The following CPPED1 variants were observed in gnomAD, a reference collection of about 807,000 sequenced individuals.
CPPED1 encodes the protein calcineurin like phosphoesterase domain containing 1.
Under a neutral mutation model 28.0 loss-of-function variants are expected in CPPED1, and 28 were observed. The ratio of observed to expected loss-of-function variants is 1.00; its 90% CI spans 0.74 to 1.37. The LOEUF is 1.37. CPPED1 is among the 40% of genes most tolerant of loss of function. The pLI is 0.00. For missense variants in CPPED1, 504 were observed against 416.5 expected (o/e 1.21, Z -1.83); for synonymous variants, 198 against 180.2 (o/e 1.10, Z -0.79).
At chr16:12,671,174 C>T (rs974344157) in intron 3 of CPPED1, among the ~76,000 whole-genome samples, 22 of 152,092 alleles carry the variant, frequency 1.4e-4, no homozygotes, top group African/African-American at 5.3e-4. Flanking sequence ...TATACTTATC[C>T]CCTGTACCAT....
chr16:12,735,186 CA>C (rs772203321), intron 2 of CPPED1, among the ~76,000 whole-genome samples: 2 of 152,168 alleles, frequency 1.3e-5, no homozygotes, highest in Non-Finnish European at 2.9e-5. Flanking sequence ...CAACATACTC[CA>C]TGGACCAATG....
chr16:12,742,557 T>C (rs2080261963), intron 2 of CPPED1, among the ~76,000 whole-genome samples: 1 of 152,222 alleles, frequency 6.6e-6, no homozygotes, highest in Non-Finnish European at 1.5e-5. Context: ...ACCGTGGAGC[T>C]TTCACTGTTC....
chr16:12,677,921 C>G (rs1226655857), intron 3 of CPPED1, among the ~76,000 whole-genome samples: 1 of 152,202 alleles, frequency 6.6e-6, no homozygotes. Flanking sequence ...CACGACTACT[C>G]AACTCCGCCT....
chr16:12,802,493 C>T (rs1743491325), intron 1 of CPPED1, among the ~76,000 whole-genome samples: 2 of 152,082 alleles, frequency 1.3e-5, no homozygotes, highest in Non-Finnish European at 2.9e-5. Flanking sequence ...TCCAGCTACT[C>T]CAGAGGCTGA....
In CPPED1 at chr16:12,741,150, G is replaced by C. The variant is rs868441569; in HGVS notation, c.290-36101C>G. ...TAGTAACTCCAGGCCAACTAGGATA[G>C]TACTTAAAATATAGTGGGCAGGACG... On this transcript the variant is annotated intron_variant, in intron 2 of 3. Coordinates refer to ENST00000381774, the MANE Select transcript of CPPED1 (RefSeq NM_018340.3). Among the ~76,000 whole-genome samples the C allele has an allele frequency of 3.3e-5, 5 of 152,268 alleles. No individual in the cohort carries two copies. The South Asian group carries it at 1.0e-3, about 32-fold the overall frequency.
intron 1 of CPPED1, among the ~76,000 whole-genome samples, chr16:12,801,163 G>A (rs768094967): frequency 2.0e-5 from 3 of 151,998 alleles, no homozygotes; most frequent in Admixed American, 1.3e-4. Context: ...GCACATTCTC[G>A]GCTCACTGCA....
intron 2 of CPPED1, among the ~76,000 whole-genome samples, chr16:12,733,872 G>C (rs958442512): frequency 5.3e-5 from 8 of 151,810 alleles, no homozygotes; most frequent in Non-Finnish European, 7.4e-5. Flanking sequence ...TTCTTAATCT[G>C]CATGCATTTA....
chr16:12,708,829 C>A (rs1186716402), intron 2 of CPPED1, among the ~76,000 whole-genome samples: 3 of 152,150 alleles, frequency 2.0e-5, no homozygotes, highest in Non-Finnish European at 4.4e-5. Flanking sequence ...CCTGTACTCC[C>A]AGGACTTTGG....
In CPPED1 at chr16:12,747,677, CA is replaced by C. The variant is rs562518691; in HGVS notation, c.289+33507del. Among the ~76,000 whole-genome samples the C allele has an allele frequency of 6.6e-3, 1,008 of 152,232 alleles. 4 individuals carry two copies. Among genetic ancestry groups the C allele is most frequent in the Non-Finnish European group, 9.0e-3 (610 of 68,014 alleles). On this transcript the variant is annotated intron_variant, in intron 2 of 3. Coordinates refer to ENST00000381774, the MANE Select transcript of CPPED1 (RefSeq NM_018340.3). ...AGGCAATCTGCCCGCCTCAGCCTCCCAAAGTGCTAGAATTACAGGCATGAGC... is the reference window on the plus strand; with the variant it reads ...AGGCAATCTGCCCGCCTCAGCCTCCCAAGTGCTAGAATTACAGGCATGAGC...
Position 12,663,879 on chromosome 16 carries a change from T to A in CPPED1, c.*1007A>T, listed in dbSNP as rs1002772800. Reference sequence around the variant, plus strand: ...GTAAAACAGGTTACATAAAAAACAATGCTGGTTTGAAATAACCTATGCGCT... The same window carrying A: ...GTAAAACAGGTTACATAAAAAACAAAGCTGGTTTGAAATAACCTATGCGCT... On this transcript the variant is annotated 3_prime_UTR_variant, in exon 4 of 4. Transcript: ENST00000381774. The A allele has an allele frequency of 6.6e-6, 1 of 152,226 alleles. No homozygotes were observed. 9.4% of individuals were successfully genotyped at this position (152,226 alleles called of 1,614,324 possible).
Position 12,719,755 on chromosome 16 carries a change from C to G in CPPED1, c.290-14706G>C, listed in dbSNP as rs556610657. Among the ~76,000 whole-genome samples, 7 of 152,084 alleles carry G rather than the reference C, an allele frequency of 4.6e-5. No individual in the cohort carries two copies. The East Asian group carries it at 9.7e-4, about 21-fold the overall frequency. On this transcript the variant is annotated intron_variant, in intron 2 of 3. Coordinates refer to ENST00000381774, the MANE Select transcript of CPPED1 (RefSeq NM_018340.3). ...TTCAAGACCAGCCTGGCCAACACGG[C>G]AAAAGCCTGTCTCTACTAAAAATAC...
intron 2 of CPPED1, among the ~76,000 whole-genome samples, chr16:12,724,741 G>A (rs1446138394): frequency 6.6e-6 from 1 of 152,210 alleles, no homozygotes; most frequent in African/African-American, 2.4e-5. Context: ...GCAAGAGAAT[G>A]GAAAGCGTTT....
At chr16:12,674,912 C>A (rs1404839433) in intron 3 of CPPED1, among the ~76,000 whole-genome samples, 1 of 152,220 alleles carries the variant, frequency 6.6e-6, no homozygotes, top group African/African-American at 2.4e-5. Flanking sequence ...CAGTACCAAG[C>A]TCCTCATCGC....
At chr16:12,668,832 A>G (rs903217417) in intron 3 of CPPED1, among the ~76,000 whole-genome samples, 15 of 152,390 alleles carry the variant, frequency 9.8e-5, no homozygotes, top group African/African-American at 3.6e-4. Context: ...GGAAAGCAAC[A>G]AGTGTTTACA....
chr16:12,735,546 C>A (rs1052406357), intron 2 of CPPED1, among the ~76,000 whole-genome samples: 1 of 152,250 alleles, frequency 6.6e-6, no homozygotes, highest in African/African-American at 2.4e-5. Context: ...CTCAAGTGAT[C>A]AGCCCACCTT....
At chr16:12,766,256 T>TATATATATAGAGAG in intron 2 of CPPED1, among the ~76,000 whole-genome samples, 4 of 134,290 alleles carry the variant, frequency 3.0e-5, no homozygotes, top group African/African-American at 1.4e-4. Flanking sequence ...TATATATATA[T>TATATATATAGAGAG]AGAGAGAGAG....
At chr16:12,727,523 T>C (rs768435394) in intron 2 of CPPED1, among the ~76,000 whole-genome samples, 9 of 152,130 alleles carry the variant, frequency 5.9e-5, no homozygotes, top group South Asian at 2.1e-4. Flanking sequence ...TGGCTAATTG[T>C]TAAAAGTTTT....
At chr16:12,691,776 C>G (rs1371351129) in intron 3 of CPPED1, among the ~76,000 whole-genome samples, 2 of 126,850 alleles carry the variant, frequency 1.6e-5, no homozygotes, top group Admixed American at 1.0e-4. Context: ...AACACATGGA[C>G]ACAGGAAGGG....
intron 2 of CPPED1, among the ~76,000 whole-genome samples, chr16:12,717,992 T>A (rs1436700390): frequency 1.3e-5 from 2 of 152,190 alleles, no homozygotes; most frequent in Non-Finnish European, 2.9e-5. Flanking sequence ...TCAAGTCCCA[T>A]CTGGGTTAAC....
Sources: allele counts gnomAD v4.1 joint callset (sites outside exome capture counted in the v4.1 genomes callset), GRCh38; gene constraint gnomAD v4.1.1; transcripts MANE v1.5; gene names NCBI Gene and HGNC (gene_info 2026-07-23, HGNC 2026-07-21).